Variants in CLMN observed in about 807,000 individuals in gnomAD.
CLMN encodes the protein calmin.
In CLMN, 57 loss-of-function variants were observed where a neutral mutation model predicts 92.7. That is an observed-to-expected ratio of 0.61 (90% confidence interval 0.50 to 0.77). CLMN has a LOEUF of 0.77. Ranked by LOEUF, CLMN falls within the 30% of genes least tolerant of loss-of-function variation. The probability of loss-of-function intolerance (pLI) is 0.00; values close to 1 mark genes in which losing one functional copy is unlikely to be tolerated. For missense variants in CLMN, 1,158 were observed against 1,237.5 expected (o/e 0.94, Z 0.96); for synonymous variants, 466 against 470.6 (o/e 0.99, Z 0.13).
intron 1 of CLMN, among the ~76,000 whole-genome samples, chr14:95,234,203 G>A (rs755960132): frequency 4.6e-5 from 7 of 152,126 alleles, no homozygotes; most frequent in Admixed American, 1.3e-4. Context: ...GGAATGCTAC[G>A]GAGATTAAAT....
intron 8 of CLMN, among the ~76,000 whole-genome samples, chr14:95,208,356 T>G (rs900450798): frequency 3.3e-5 from 5 of 152,088 alleles, no homozygotes; most frequent in Admixed American, 3.3e-4. Context: ...GGGTTGTGCA[T>G]GGGTTGGGTG....
intron 1 of CLMN, among the ~76,000 whole-genome samples, chr14:95,264,020 A>AC (rs1804338505): frequency 1.2e-5 from 1 of 83,056 alleles, no homozygotes; most frequent in East Asian, 2.4e-4. Context: ...TTATTTATTT[A>AC]TTTATTTATT....
chr14:95,287,054 T>C (rs1900372187), intron 1 of CLMN, among the ~76,000 whole-genome samples: 1 of 152,202 alleles, frequency 6.6e-6, no homozygotes, highest in Non-Finnish European at 1.5e-5. Context: ...TTTGCTTCTG[T>C]CACCTTCACT....
chr14:95,316,569 C>T (rs183543332), intron 1 of CLMN, among the ~76,000 whole-genome samples: 1 of 152,162 alleles, frequency 6.6e-6, no homozygotes, highest in Non-Finnish European at 1.5e-5. Context: ...TGGGGGATGA[C>T]CTATGACATC....
In CLMN at chr14:95,194,160, GCTGCTCCGGGTT is replaced by G; in HGVS notation, c.2770-253_2770-242del. 1 of 1,408,408 alleles carries G rather than the reference GCTGCTCCGGGTT, an allele frequency of 7.1e-7. No individual in the cohort carries two copies. The highest frequency in any genetic ancestry group is 9.2e-7 in the Non-Finnish European group (1 of 1,087,220). The allele number at this position is 1,408,408 out of a possible 1,614,324, so 87.2% of individuals were successfully genotyped here. ...CCACCCGGAACCCGGATTGGGGTGTGCTGCTCCGGGTTCTAACACATCTGCTACTGAGCACGT... is the reference window on the plus strand; with the variant it reads ...CCACCCGGAACCCGGATTGGGGTGTGCTAACACATCTGCTACTGAGCACGT... On this transcript the variant is annotated intron_variant, in intron 11 of 12. Coordinates refer to ENST00000298912, the MANE Select transcript of CLMN (RefSeq NM_024734.4). This position sits in a 1 kb window ranked among gnomAD's most constrained non-coding sequence, Gnocchi z 4.0.
At chr14:95,304,888 T>C (rs1901212614) in intron 1 of CLMN, among the ~76,000 whole-genome samples, 1 of 151,968 alleles carries the variant, frequency 6.6e-6, no homozygotes, top group Non-Finnish European at 1.5e-5. Context: ...GACCTAAAGA[T>C]ACTGGCATGG....
In CLMN at chr14:95,316,511, A is replaced by C. The variant is rs536863548; in HGVS notation, c.82+3200T>G. Among the ~76,000 whole-genome samples, 145 of 152,284 alleles carry C rather than the reference A, an allele frequency of 9.5e-4. 1 individual carries two copies. The South Asian group carries it at 0.014, about 14-fold the overall frequency. ...GAGGGGCCATCACTCTGCCCAGCTCACCCGGACCTCCAAAGACAGGTCGAG... is the reference window on the plus strand; with the variant it reads ...GAGGGGCCATCACTCTGCCCAGCTCCCCCGGACCTCCAAAGACAGGTCGAG... On this transcript the variant is annotated intron_variant, in intron 1 of 12. Coordinates refer to ENST00000298912, the MANE Select transcript of CLMN (RefSeq NM_024734.4).
At chr14:95,238,738 C>A (rs987300771) in intron 1 of CLMN, among the ~76,000 whole-genome samples, 1 of 152,120 alleles carries the variant, frequency 6.6e-6, no homozygotes, top group African/African-American at 2.4e-5. Flanking sequence ...CGGTGGTCTC[C>A]CCAATACATG....
chr14:95,245,253 T>TA (rs1204590536), intron 1 of CLMN, among the ~76,000 whole-genome samples: 5 of 29,880 alleles, frequency 1.7e-4, no homozygotes, highest in African/African-American at 1.3e-3. Context: ...TATATATATA[T>TA]AATATATATA....
At chr14:95,283,645 T>G (rs1339345614) in intron 1 of CLMN, among the ~76,000 whole-genome samples, 1 of 152,206 alleles carries the variant, frequency 6.6e-6, no homozygotes, top group Non-Finnish European at 1.5e-5. Context: ...TCTTGTTATG[T>G]TTTAGCAAAG....
chr14:95,209,729 TG>T (rs1897141930), intron 7 of CLMN, among the ~76,000 whole-genome samples: 1 of 152,232 alleles, frequency 6.6e-6, no homozygotes, highest in South Asian at 2.1e-4. Context: ...TCTTCCTTGC[TG>T]TTTTAGTCCC....
intron 1 of CLMN, among the ~76,000 whole-genome samples, chr14:95,271,442 C>CT (rs1899706895): frequency 6.6e-6 from 1 of 152,318 alleles, no homozygotes; most frequent in Non-Finnish European, 1.5e-5. Flanking sequence ...ACCAAAGGCC[C>CT]TGGGGTCCCC....
chr14:95,227,471 G>A (rs114023958), intron 2 of CLMN, among the ~76,000 whole-genome samples: 8,900 of 152,222 alleles, frequency 0.058, 314 homozygotes, highest in Middle Eastern at 0.061. Flanking sequence ...CTGTTAATGC[G>A]AGGCAGAAAA....
At chr14:95,307,072 A>T (rs554527342) in intron 1 of CLMN, among the ~76,000 whole-genome samples, 1 of 152,330 alleles carries the variant, frequency 6.6e-6, no homozygotes, top group Non-Finnish European at 1.5e-5. Context: ...GGGAATGGGG[A>T]AACAGGCATT....
At chr14:95,255,466 T>C (rs1898960010) in intron 1 of CLMN, among the ~76,000 whole-genome samples, 1 of 152,220 alleles carries the variant, frequency 6.6e-6, no homozygotes, top group Admixed American at 6.5e-5. Context: ...GCCTAATTTA[T>C]AAATTGAACT....
intron 2 of CLMN, among the ~76,000 whole-genome samples, chr14:95,227,823 G>A (rs1012258540): frequency 3.9e-5 from 6 of 152,336 alleles, no homozygotes; most frequent in East Asian, 3.9e-4. Flanking sequence ...CCAGAAGCCA[G>A]AGACTCAGTA....
chr14:95,254,311 G>A (rs530772868), intron 1 of CLMN, among the ~76,000 whole-genome samples: 8 of 152,236 alleles, frequency 5.3e-5, no homozygotes, highest in South Asian at 2.1e-4. Context: ...CTAGGACGGC[G>A]GTTAGAAAAT....
intron 1 of CLMN, among the ~76,000 whole-genome samples, chr14:95,231,078 AC>A (rs1337017455): frequency 6.6e-6 from 1 of 151,954 alleles, no homozygotes; most frequent in Non-Finnish European, 1.5e-5. Context: ...CAGGCCATGG[AC>A]CAGTACTGGT....
At chr14:95,304,337 T>C (rs1481544470) in intron 1 of CLMN, among the ~76,000 whole-genome samples, 1 of 148,468 alleles carries the variant, frequency 6.7e-6, no homozygotes, top group Non-Finnish European at 1.5e-5. Flanking sequence ...AGAGAAATTC[T>C]GTCTTAAAAG....
Sources: allele counts gnomAD v4.1 joint callset (sites outside exome capture counted in the v4.1 genomes callset), GRCh38; gene constraint gnomAD v4.1.1; non-coding constraint Gnocchi (gnomAD v3.1); transcripts MANE v1.5; gene names NCBI Gene and HGNC (gene_info 2026-07-23, HGNC 2026-07-21).